DENND2B: variants seen among roughly 807,000 people sequenced by gnomAD.
The protein encoded by DENND2B is DENN domain containing 2B.
A neutral mutation model predicts 116.0 loss-of-function variants in DENND2B; 32 were observed. The ratio of observed to expected loss-of-function variants is 0.28; its 90% CI spans 0.21 to 0.37. The LOEUF (loss-of-function observed/expected upper bound fraction) is 0.37. DENND2B is among the 10% of genes least tolerant of loss of function. The probability of loss-of-function intolerance (pLI) is 1.00; values close to 1 mark genes in which losing one functional copy is unlikely to be tolerated. For missense variants in DENND2B, 1,276 were observed against 1,477.7 expected, an observed-to-expected ratio of 0.86 and a Z score of 2.24; for synonymous variants, 588 against 583.9, an observed-to-expected ratio of 1.01 and a Z score of -0.10.
chr11:8,848,441 C>T (rs1281687913), intron 3 of DENND2B, among the ~76,000 whole-genome samples: 1 of 151,834 alleles, frequency 6.6e-6, no homozygotes, highest in African/African-American at 2.4e-5. Context: ...TAAAATAGGA[C>T]TGCAGGCACG....
At chr11:8,711,070 G>A in intron 10 of DENND2B, 52 bp downstream of exon 10, 1 of 1,590,452 alleles carries the variant, frequency 6.3e-7, no homozygotes, top group Non-Finnish European at 8.6e-7. Flanking sequence ...CCCACGCTAT[G>A]GGGGTAAAGA....
At chr11:8,821,136 T>A (rs961923890) in intron 4 of DENND2B, among the ~76,000 whole-genome samples, 74 of 148,138 alleles carry the variant, frequency 5.0e-4, no homozygotes, top group African/African-American at 1.7e-3. Flanking sequence ...AAAAAAAAAT[T>A]AATTAATTAA....
chr11:8,842,782 T>G (rs1268069583), intron 3 of DENND2B, among the ~76,000 whole-genome samples: 4 of 152,206 alleles, frequency 2.6e-5, no homozygotes, highest in Non-Finnish European at 2.9e-5. Context: ...AAGAATTCCC[T>G]GTAATTCCCT....
chr11:8,708,500 G>C lies in DENND2B; in HGVS notation c.2353-646C>G, dbSNP rs532051384. 7.9e-5 allele frequency among the ~76,000 whole-genome samples: 12 copies of C among 152,238 alleles called. No homozygotes were observed. The South Asian group carries it at 1.0e-3, about 13-fold the overall frequency. On this transcript the variant is annotated intron_variant, in intron 11 of 19. Transcript: ENST00000313726. ...CAAAAAGATAAAGCCATTGCCTAAG[G>C]CCACCTATCTAGAAGCTGTGGAGCC...
intron 1 of DENND2B, among the ~76,000 whole-genome samples, chr11:8,789,023 T>G (rs2059151547): frequency 6.6e-6 from 1 of 152,236 alleles, no homozygotes; most frequent in Non-Finnish European, 1.5e-5. Context: ...AACTATGGTA[T>G]TCTCCATTCC....
intron 19 of DENND2B, chr11:8,694,497 G>A (rs2133643646): frequency 6.4e-6 from 3 of 465,334 alleles, no homozygotes; most frequent in African/African-American, 2.0e-5. Context: ...AAAGCTCACT[G>A]GCTCTAATGG....
intron 3 of DENND2B, among the ~76,000 whole-genome samples, chr11:8,843,707 G>A (rs949296239): frequency 1.3e-5 from 2 of 152,078 alleles, no homozygotes; most frequent in Non-Finnish European, 2.9e-5. Context: ...TCTGGCTGCC[G>A]TAAATCACCA....
intron 4 of DENND2B, among the ~76,000 whole-genome samples, chr11:8,828,322 G>A (rs547045296): frequency 8.3e-4 from 127 of 152,236 alleles, no homozygotes; most frequent in Non-Finnish European, 1.5e-3. Context: ...AGCACAACTC[G>A]GCCGTTAAGG....
At chr11:8,750,583 C>A in intron 2 of DENND2B, 38 bp downstream of exon 2, 1 of 1,569,078 alleles carries the variant, frequency 6.4e-7, no homozygotes, top group Non-Finnish European at 8.8e-7. Context: ...GGACCTAGGT[C>A]CCTTGATGCC....
intron 3 of DENND2B, chr11:8,839,377 C>A (rs1243457432): frequency 1.3e-5 from 2 of 152,194 alleles, no homozygotes; most frequent in Non-Finnish European, 2.9e-5. Flanking sequence ...AAGGTTGTTA[C>A]CACCAAGTAA....
At chr11:8,862,466 C>A (rs1460133153) in intron 2 of DENND2B, among the ~76,000 whole-genome samples, 1 of 151,740 alleles carries the variant, frequency 6.6e-6, no homozygotes, top group Non-Finnish European at 1.5e-5. Context: ...TCCTGAGTAG[C>A]TAGGACCACA....
chr11:8,761,197 C>T (rs2054563480), intron 1 of DENND2B, among the ~76,000 whole-genome samples: 1 of 152,128 alleles, frequency 6.6e-6, no homozygotes, highest in African/African-American at 2.4e-5. Context: ...AATTTCAGGC[C>T]AAAGGAAATC....
rs150322601 is a variant in DENND2B at position 8,883,036 on chromosome 11, A to G, written c.-255-1927T>C. Among the ~76,000 whole-genome samples, 28 of 152,312 alleles carry G rather than the reference A, an allele frequency of 1.8e-4. No homozygotes were observed. The East Asian group carries it at 5.2e-3, about 28-fold the overall frequency. On this transcript the variant is annotated intron_variant, in intron 1 of 22. Coordinates refer to the DENND2B transcript ENST00000534127. ...ATTATTTTTAAAATAAACATTCCCA[A>G]GCTTATACAAAGGCGCATTCTTCAT...
chr11:8,776,369 C>G (rs2057734104), intron 1 of DENND2B: 1 of 395,578 alleles, frequency 2.5e-6, no homozygotes, highest in Admixed American at 3.0e-5. Flanking sequence ...GGCTGAGAAG[C>G]CATTCAATCC....
At chr11:8,818,945 C>T (rs528483440) in intron 4 of DENND2B, among the ~76,000 whole-genome samples, 1 of 152,130 alleles carries the variant, frequency 6.6e-6, no homozygotes, top group Admixed American at 6.5e-5. Flanking sequence ...GGTATATGGA[C>T]AAACTTTTTT....
At chr11:8,786,508 G>A (rs529758702) in intron 1 of DENND2B, among the ~76,000 whole-genome samples, 5 of 152,256 alleles carry the variant, frequency 3.3e-5, no homozygotes, top group Admixed American at 1.3e-4. Flanking sequence ...CAGCAATCAC[G>A]TTAATGAACA....
At chr11:8,719,406 T>G (rs1565713355) in intron 4 of DENND2B, among the ~76,000 whole-genome samples, 1 of 152,214 alleles carries the variant, frequency 6.6e-6, no homozygotes, top group Non-Finnish European at 1.5e-5. Flanking sequence ...TGTAAACTTA[T>G]GAGTCAAAGA....
intron 11 of DENND2B, 193 bp from the exon 12 acceptor site, chr11:8,708,047 C>T (rs2042927699): frequency 3.3e-6 from 5 of 1,508,168 alleles, no homozygotes; most frequent in Admixed American, 4.0e-5. Flanking sequence ...CAGGCCTCAG[C>T]TCTGCAGGGT....
chr11:8,718,689 G>A lies in DENND2B; in HGVS notation c.1478-797C>T. 3 of 1,192,604 alleles carry A rather than the reference G, an allele frequency of 2.5e-6. 1 individual carries two copies. Among genetic ancestry groups the A allele is most frequent in the Non-Finnish European group, 3.1e-6 (3 of 961,140 alleles). The allele number at this position is 1,192,604 out of a possible 1,614,324, so 73.9% of individuals were successfully genotyped here. A position where few individuals can be genotyped will look rare whatever the true frequency, so the allele number is the denominator to read the frequency against. On this transcript the variant is annotated intron_variant, in intron 4 of 19. Coordinates refer to ENST00000313726, the MANE Select transcript of DENND2B (RefSeq NM_213618.2). ...AAGGAGTCTGGGCCAAAGGGTGGGGGTGAGGGGAGTTCTTGCTTCTCAGGA... is the reference window on the plus strand; with the variant it reads ...AAGGAGTCTGGGCCAAAGGGTGGGGATGAGGGGAGTTCTTGCTTCTCAGGA...
Sources: allele counts gnomAD v4.1 joint callset (sites outside exome capture counted in the v4.1 genomes callset), GRCh38; gene constraint gnomAD v4.1.1; transcripts MANE v1.5; gene names NCBI Gene and HGNC (gene_info 2026-07-23, HGNC 2026-07-21).